The following REV1 variants were observed in gnomAD, a reference collection of about 807,000 sequenced individuals.
REV1 encodes the protein translesion synthesis protein REV1.
REV1 carries 42 observed loss-of-function variants against 137.4 expected under a neutral mutation model. That is an observed-to-expected ratio of 0.31 (90% CI 0.24 to 0.40). The LOEUF (loss-of-function observed/expected upper bound fraction) is 0.40. Ranked by LOEUF, REV1 falls within the 10% of genes least tolerant of loss-of-function variation. REV1 has a pLI of 1.00. For missense variants in REV1, 1,282 were observed against 1,490.1 expected, an observed-to-expected ratio of 0.86 and a Z score of 2.30; for synonymous variants, 524 against 519.2, an observed-to-expected ratio of 1.01 and a Z score of -0.12.
chr2:99,443,866 G>C (rs1442792079), intron 4 of REV1, among the ~76,000 whole-genome samples: 2 of 149,568 alleles, frequency 1.3e-5, no homozygotes, highest in African/African-American at 4.9e-5. Flanking sequence ...TTTTTGAGAC[G>C]GAGTCTCGCT....
intron 1 of REV1, among the ~76,000 whole-genome samples, chr2:99,479,840 T>C (rs1686418566): frequency 2.6e-5 from 4 of 151,784 alleles, no homozygotes; most frequent in Non-Finnish European, 5.9e-5. Flanking sequence ...TGGAATGCAA[T>C]AAATGCACAG....
At chr2:99,484,505 T>G (rs1686943916) in intron 1 of REV1, among the ~76,000 whole-genome samples, 1 of 152,228 alleles carries the variant, frequency 6.6e-6, no homozygotes, top group South Asian at 2.1e-4. Context: ...TTCTTAAATC[T>G]AATGTATTAT....
Position 99,400,518 on chromosome 2 carries a change from A to AT in REV1, c.*722dup, listed in dbSNP as rs1675224744. ...TTATTTTAAAGTTATGGCATAACAT[A>AT]TAACATAAAAATATTTTATATACGT... is the stretch of plus-strand genomic sequence containing the variant. On this transcript the variant is annotated 3_prime_UTR_variant, in exon 23 of 23. Transcript: ENST00000258428. The AT allele has an allele frequency of 6.6e-6, 1 of 152,212 alleles. No homozygotes were observed. Among genetic ancestry groups the AT allele is most frequent in the African/African-American group, 2.4e-5 (1 of 41,436 alleles). The allele number at this position is 152,212 out of a possible 1,614,324, so 9.4% of individuals were successfully genotyped here.
intron 3 of REV1, among the ~76,000 whole-genome samples, chr2:99,458,449 G>C (rs1463611238): frequency 1.3e-5 from 2 of 152,222 alleles, no homozygotes; most frequent in African/African-American, 4.8e-5. Context: ...TGGCAAGGAT[G>C]CAAAGAAAGT....
In REV1 at chr2:99,440,786, A is replaced by G. The variant is rs138741988; in HGVS notation, c.504-1476T>C. Among the ~76,000 whole-genome samples the G allele has an allele frequency of 1.5e-3, 227 of 152,366 alleles. 1 individual carries two copies. The highest frequency in any genetic ancestry group is 5.2e-3 in the African/African-American group (217 of 41,594). On this transcript the variant is annotated intron_variant, in intron 5 of 22. Transcript: ENST00000258428. ...AAACAACAAAAGTGATGTACGTCAG[A>G]AAGTCTTACATCTAGTTTTGTGTCA...
chr2:99,471,889 TAAAAAAAAAAAA>T (rs947603744), intron 1 of REV1, among the ~76,000 whole-genome samples: 5 of 93,428 alleles, frequency 5.4e-5, no homozygotes, highest in African/African-American at 2.0e-4. Flanking sequence ...TAGCTACTAT[TAAAAAAAAAAAA>T]AAAAAAAAAA....
intron 5 of REV1, among the ~76,000 whole-genome samples, chr2:99,440,267 T>G (rs1352036276): frequency 6.6e-6 from 1 of 152,220 alleles, no homozygotes; most frequent in Admixed American, 6.5e-5. Context: ...TACAAAGCAG[T>G]AATTCATTCT....
chr2:99,468,141 T>C (rs1192264292), intron 1 of REV1, among the ~76,000 whole-genome samples: 2 of 150,414 alleles, frequency 1.3e-5, no homozygotes, highest in Non-Finnish European at 2.9e-5. Flanking sequence ...GATTGCACCA[T>C]TGGACTCCAG....
intron 8 of REV1, among the ~76,000 whole-genome samples, chr2:99,430,534 A>G (rs1331473732): frequency 6.6e-6 from 1 of 152,198 alleles, no homozygotes; most frequent in Non-Finnish European, 1.5e-5. Flanking sequence ...CACATGTCAC[A>G]TTATCCCCCG....
intron 11 of REV1, among the ~76,000 whole-genome samples, chr2:99,420,475 C>T (rs2104581350): frequency 6.6e-6 from 1 of 152,334 alleles, no homozygotes; most frequent in Middle Eastern, 3.4e-3. Flanking sequence ...GTTTCCTCAG[C>T]CCTGCCTTGC....
chr2:99,467,168 T>C (rs558190547), intron 1 of REV1, among the ~76,000 whole-genome samples: 1 of 152,294 alleles, frequency 6.6e-6, no homozygotes, highest in South Asian at 2.1e-4. Flanking sequence ...ACGTCTGTTG[T>C]ATACCTACTG....
At chr2:99,462,182 G>C (rs1287280587) in intron 3 of REV1, among the ~76,000 whole-genome samples, 1 of 152,126 alleles carries the variant, frequency 6.6e-6, no homozygotes, top group East Asian at 1.9e-4. Flanking sequence ...GACATCTAGA[G>C]ATTTACCAAT....
intron 17 of REV1, chr2:99,405,405 A>AGG (rs1676138863): frequency 6.5e-6 from 1 of 152,864 alleles, no homozygotes. Context: ...CCTTCCATGC[A>AGG]GGGGGAGCAG....
At chr2:99,430,992 A>T (rs986742643) in intron 8 of REV1, among the ~76,000 whole-genome samples, 1 of 152,204 alleles carries the variant, frequency 6.6e-6, no homozygotes, top group African/African-American at 2.4e-5. Flanking sequence ...GTGCACTGTA[A>T]CAACACATAA....
Position 99,401,322 on chromosome 2 carries a change from C to G in REV1, c.3675G>C (p.Trp1225Cys). The G allele has an allele frequency of 6.2e-7, 1 of 1,613,530 alleles. No individual in the cohort carries two copies. The highest frequency in any genetic ancestry group is 1.3e-5 in the African/African-American group (1 of 74,944). The change falls in exon 23 of 23, where the codon TGG becomes TGC. Residue 1225 changes from tryptophan to cysteine, a missense_variant. Trp to Cys is a radical substitution (Grantham distance 215, BLOSUM62 -2). Coordinates refer to ENST00000258428, the MANE Select transcript of REV1 (RefSeq NM_016316.4). The stretch of plus-strand genomic sequence containing the variant: ...CAAGAATAAAGTCAAATGCCATATT[C>G]CAAACCGATTCCACCGATTGCTGCA... ...RLMQQSVESV[W>C]NMAFDFILDN...
intron 4 of REV1, 41 bp from the exon 5 acceptor site, chr2:99,442,510 G>C: frequency 1.3e-6 from 2 of 1,582,002 alleles, no homozygotes; most frequent in Non-Finnish European, 1.7e-6. Context: ...TCCATACTTG[G>C]TGACAATGAG....
chr2:99,473,602 T>C (rs1685654746), intron 1 of REV1, among the ~76,000 whole-genome samples: 1 of 152,238 alleles, frequency 6.6e-6, no homozygotes, highest in South Asian at 2.1e-4. Context: ...TCAGGCTTTA[T>C]TCCTAACCTA....
At chr2:99,419,866 A>G (rs1018842788) in intron 11 of REV1, among the ~76,000 whole-genome samples, 1 of 152,220 alleles carries the variant, frequency 6.6e-6, no homozygotes, top group Admixed American at 6.5e-5. Context: ...TATTGAGGAC[A>G]TATCTTGGTT....
intron 3 of REV1, 48 bp downstream of exon 3, chr2:99,462,448 C>T (rs761928190): frequency 1.3e-6 from 2 of 1,527,748 alleles, no homozygotes; most frequent in South Asian, 1.2e-5. Context: ...CATTCTCAAT[C>T]CTAATAAAAA....
Sources: allele counts gnomAD v4.1 joint callset (sites outside exome capture counted in the v4.1 genomes callset), GRCh38; gene constraint gnomAD v4.1.1; transcripts MANE v1.5; gene names NCBI Gene and HGNC (gene_info 2026-07-23, HGNC 2026-07-21).